PDE7B: variants seen among roughly 807,000 people sequenced by gnomAD.
PDE7B encodes the protein phosphodiesterase 7B, also known as 3',5'-cyclic-AMP phosphodiesterase 7B.
A neutral mutation model predicts 56.2 loss-of-function variants in PDE7B; 29 were observed. The observed-to-expected ratio is 0.52, with a 90% CI of 0.38 to 0.70. The LOEUF (loss-of-function observed/expected upper bound fraction) is 0.70. PDE7B is among the 30% of genes least tolerant of loss of function. The probability of loss-of-function intolerance (pLI) is 0.00; values close to 1 mark genes in which losing one functional copy is unlikely to be tolerated. For synonymous variants in PDE7B, 197 were observed against 196.9 expected, an observed-to-expected ratio of 1.00 and a Z score of 0.00; for missense variants, 490 against 565.0, an observed-to-expected ratio of 0.87 and a Z score of 1.35.
Position 136,088,203 on chromosome 6 carries a change from A to G in PDE7B, c.83-20528A>G, listed in dbSNP as rs553023122. Among the ~76,000 whole-genome samples, 5 of 152,294 alleles carry G rather than the reference A, an allele frequency of 3.3e-5. No homozygotes were observed. In the South Asian group the frequency reaches 1.0e-3, roughly 32 times the overall value. Reference sequence around the variant, plus strand: ...TGGAGCTAGGAGCAGATGGAGATTGATGTCATCAGAACTCAGCACAGGAAA... The same window carrying G: ...TGGAGCTAGGAGCAGATGGAGATTGGTGTCATCAGAACTCAGCACAGGAAA... On this transcript the variant is annotated intron_variant, in intron 2 of 12. Transcript: ENST00000308191.
chr6:136,050,839 C>T (rs1040960673), intron 2 of PDE7B, among the ~76,000 whole-genome samples: 3 of 152,096 alleles, frequency 2.0e-5, no homozygotes, highest in African/African-American at 2.4e-5. Context: ...TTTGTAGCCC[C>T]GAAGGAACAG....
chr6:135,905,870 G>A lies in PDE7B; in HGVS notation c.22-41594G>A, dbSNP rs115207544. On this transcript the variant is annotated intron_variant, in intron 1 of 12. Transcript: ENST00000308191. ...CGTGCCAGTCACTTTTGGAGTGGTG[G>A]TCACAGGCATCGTTTTGCTGGATTG... 3.3e-3 allele frequency among the ~76,000 whole-genome samples: 497 copies of A among 152,298 alleles called. 1 individual carries two copies. The highest frequency in any genetic ancestry group is 0.011 in the African/African-American group (466 of 41,558).
intron 3 of PDE7B, among the ~76,000 whole-genome samples, chr6:136,111,902 T>G (rs1469326517): frequency 6.6e-6 from 1 of 152,190 alleles, no homozygotes; most frequent in Non-Finnish European, 1.5e-5. Flanking sequence ...CTTGCAGTTT[T>G]GTTCTCTCTC....
intron 2 of PDE7B, among the ~76,000 whole-genome samples, chr6:136,003,304 G>A (rs1215061457): frequency 6.6e-6 from 1 of 150,798 alleles, no homozygotes; most frequent in East Asian, 1.9e-4. Flanking sequence ...AGAAAAGCAA[G>A]AGCAAACACA....
intron 1 of PDE7B, among the ~76,000 whole-genome samples, chr6:135,874,256 T>G (rs968384306): frequency 6.6e-6 from 1 of 152,166 alleles, no homozygotes; most frequent in Non-Finnish European, 1.5e-5. Context: ...TCTCTCTGTC[T>G]GCTTCATTAA....
intron 5 of PDE7B, 66 bp downstream of exon 5, chr6:136,149,216 C>A (rs763738923): frequency 2.9e-5 from 32 of 1,104,432 alleles, no homozygotes; most frequent in Non-Finnish European, 4.3e-5. Flanking sequence ...TCATGAAAAA[C>A]AAAATTTATT....
At chr6:136,181,467 T>C (rs1233363645) in intron 11 of PDE7B, 144 bp downstream of exon 11, 1 of 618,882 alleles carries the variant, frequency 1.6e-6, no homozygotes, top group Non-Finnish European at 2.9e-6. Flanking sequence ...TTTACTCTCT[T>C]GGAACTCATC....
chr6:136,008,414 C>T (rs1283256055), intron 2 of PDE7B, among the ~76,000 whole-genome samples: 2 of 152,322 alleles, frequency 1.3e-5, no homozygotes, highest in African/African-American at 4.8e-5. Flanking sequence ...GCCACACTGA[C>T]GTCCACAATG....
intron 2 of PDE7B, among the ~76,000 whole-genome samples, chr6:136,058,819 A>G (rs1776784670): frequency 6.6e-6 from 1 of 152,208 alleles, no homozygotes; most frequent in Non-Finnish European, 1.5e-5. Context: ...CTAAATGACT[A>G]CTAGAACCAA....
At chr6:135,986,093 C>T (rs758709765) in intron 2 of PDE7B, among the ~76,000 whole-genome samples, 1 of 152,186 alleles carries the variant, frequency 6.6e-6, no homozygotes, top group Non-Finnish European at 1.5e-5. Context: ...TTCTGTTCAG[C>T]GTTTGCTCGT....
At chr6:136,100,891 T>A (rs1777549826) in intron 2 of PDE7B, among the ~76,000 whole-genome samples, 1 of 152,248 alleles carries the variant, frequency 6.6e-6, no homozygotes. Flanking sequence ...CAGTATGATA[T>A]TGGCTGAGGG....
At chr6:136,139,894 C>T (rs1290839847) in intron 3 of PDE7B, among the ~76,000 whole-genome samples, 1 of 152,100 alleles carries the variant, frequency 6.6e-6, no homozygotes, top group Non-Finnish European at 1.5e-5. Context: ...GAGTAGATTG[C>T]AAAAATTTTC....
rs930506723 is a variant in PDE7B at position 136,192,109 on chromosome 6, G to T, written c.*269G>T. ...CACGGGCAGGCTCTCCCTGCTCCAGGAGAAGACTAGGAGGAAGAATGAGGT... is the reference window on the plus strand; with the variant it reads ...CACGGGCAGGCTCTCCCTGCTCCAGTAGAAGACTAGGAGGAAGAATGAGGT... On this transcript the variant is annotated 3_prime_UTR_variant, in exon 13 of 13. Coordinates refer to ENST00000308191, the MANE Select transcript of PDE7B (RefSeq NM_018945.4). 2.1e-6 allele frequency: 1 copy of T among 486,068 alleles called. No homozygotes were observed. Among genetic ancestry groups the T allele is most frequent in the South Asian group, 2.2e-5 (1 of 45,134 alleles). The allele number at this position is 486,068 out of a possible 1,614,324, so 30.1% of individuals were successfully genotyped here. A position where few individuals can be genotyped will look rare whatever the true frequency, so the allele number is the denominator to read the frequency against.
chr6:135,990,103 T>G (rs1186629535), intron 2 of PDE7B, among the ~76,000 whole-genome samples: 1 of 150,836 alleles, frequency 6.6e-6, no homozygotes, highest in Non-Finnish European at 1.5e-5. Flanking sequence ...TTTTTGTTTT[T>G]TTTTTTTTTT....
chr6:136,055,255 T>C (rs6920693), intron 2 of PDE7B, among the ~76,000 whole-genome samples: 76,291 of 152,098 alleles, frequency 0.5, 20,636 homozygotes, highest in African/African-American at 0.72. Context: ...ACATGTTTTA[T>C]GTGTGGGGAG....
chr6:136,091,448 G>T (rs958789634), intron 2 of PDE7B, among the ~76,000 whole-genome samples: 1 of 152,186 alleles, frequency 6.6e-6, no homozygotes, highest in African/African-American at 2.4e-5. Flanking sequence ...TTTCTAAGTC[G>T]CTGCATGTCA....
intron 2 of PDE7B, chr6:136,037,490 T>C (rs1776342682): frequency 1.0e-6 from 1 of 985,412 alleles, no homozygotes; most frequent in Non-Finnish European, 1.2e-6. Context: ...ACTGAGGCAC[T>C]GAGGATCAAC....
intron 2 of PDE7B, among the ~76,000 whole-genome samples, chr6:136,024,375 A>T (rs984619457): frequency 3.3e-5 from 5 of 152,152 alleles, no homozygotes; most frequent in Admixed American, 1.3e-4. Flanking sequence ...GGAAATCTGC[A>T]CTTTTTTTTC....
intron 7 of PDE7B, among the ~76,000 whole-genome samples, chr6:136,154,636 G>A (rs1365501100): frequency 6.6e-6 from 1 of 152,116 alleles, no homozygotes; most frequent in Admixed American, 6.5e-5. Flanking sequence ...TGGATATCCC[G>A]ATTCAGGGCC....
Sources: gnomAD v4.1 joint callset for allele counts (sites outside exome capture counted in the v4.1 genomes callset) on GRCh38, gnomAD v4.1.1 for gene constraint, MANE v1.5 for transcripts, NCBI Gene and HGNC (gene_info 2026-07-23, HGNC 2026-07-21) for gene names.